Variants in ZBBX observed in about 807,000 individuals in gnomAD.
ZBBX encodes the protein zinc finger B-box domain-containing protein 1.
A neutral mutation model predicts 108.5 loss-of-function variants in ZBBX; 101 were observed. The ratio of observed to expected loss-of-function variants is 0.93; its 90% CI spans 0.79 to 1.10. The LOEUF is 1.10. ZBBX is among the 50% of genes least tolerant of loss of function. ZBBX has a pLI of 0.00. For synonymous variants in ZBBX, 356 were observed against 323.4 expected, an observed-to-expected ratio of 1.10 and a Z score of -1.08; for missense variants, 1,009 against 941.4, an observed-to-expected ratio of 1.07 and a Z score of -0.94.
chr3:167,260,117 C>T (rs1724215811), intron 20 of ZBBX, among the ~76,000 whole-genome samples: 1 of 152,090 alleles, frequency 6.6e-6, no homozygotes, highest in African/African-American at 2.4e-5. Flanking sequence ...ATACAAAATT[C>T]TTGTCTGGTA....
chr3:167,372,637 T>G lies in ZBBX; in HGVS notation c.68+197A>C, dbSNP rs1415396852. 2.0e-5 allele frequency among the ~76,000 whole-genome samples: 3 copies of G among 152,190 alleles called. No individual in the cohort carries two copies. The East Asian group carries it at 5.8e-4, about 29-fold the overall frequency. On this transcript the variant is annotated intron_variant, in intron 4 of 21. Transcript: ENST00000675490. ...AACCAAACCTTTATAACTTGTCACA[T>G]TGGTTCTTGTGGAATAAATATTTTT...
intron 20 of ZBBX, among the ~76,000 whole-genome samples, chr3:167,260,758 C>A (rs1296382028): frequency 1.3e-5 from 2 of 152,200 alleles, no homozygotes; most frequent in Non-Finnish European, 2.9e-5. Context: ...AATTTCCTTG[C>A]ATTAGGCTTC....
chr3:167,278,882 C>T (rs1275260236), intron 20 of ZBBX, among the ~76,000 whole-genome samples: 2 of 151,894 alleles, frequency 1.3e-5, no homozygotes, highest in African/African-American at 2.4e-5. Context: ...TCCAGCAGCA[C>T]ATCAAAAAGC....
In ZBBX at chr3:167,403,918, T is replaced by C. The variant is rs192646633; in HGVS notation, c.-446+3808A>G. Reference sequence around the variant, plus strand: ...AGGAAACAAAAGAAGAACAAAAAATTAAAAATATAAATAAGATGTTAAACT... The same window carrying C: ...AGGAAACAAAAGAAGAACAAAAAATCAAAAATATAAATAAGATGTTAAACT... On this transcript the variant is annotated intron_variant, in intron 1 of 21. Transcript: ENST00000455345. Among the ~76,000 whole-genome samples the C allele has an allele frequency of 3.3e-3, 496 of 151,602 alleles. 4 individuals carry two copies. The highest frequency in any genetic ancestry group is 6.1e-3 in the Non-Finnish European group (411 of 67,830).
At chr3:167,391,812 T>C (rs1748091088) in intron 1 of ZBBX, among the ~76,000 whole-genome samples, 1 of 151,882 alleles carries the variant, frequency 6.6e-6, no homozygotes, top group Non-Finnish European at 1.5e-5. Flanking sequence ...ATATGCTGTA[T>C]GTCTGTGTAA....
chr3:167,330,947 C>CTCTCTCTCTCTCTT, intron 10 of ZBBX, among the ~76,000 whole-genome samples: 2 of 127,410 alleles, frequency 1.6e-5, no homozygotes, highest in South Asian at 2.9e-4. Flanking sequence ...CTCTTTCTTT[C>CTCTCTCTCTCTCTT]TCTCTCTCTC....
At chr3:167,298,826 T>G (rs932129860) in intron 17 of ZBBX, among the ~76,000 whole-genome samples, 1 of 152,080 alleles carries the variant, frequency 6.6e-6, no homozygotes, top group South Asian at 2.1e-4. Flanking sequence ...TGTCTATATA[T>G]AAAATAATTT....
chr3:167,231,655 A>G, the ZBBX span, among the ~76,000 whole-genome samples: 1 of 151,932 alleles, frequency 6.6e-6, no homozygotes, highest in South Asian at 2.1e-4. Flanking sequence ...ATTCAAAGAA[A>G]TCTATTTTGC....
chr3:167,317,575 T>C lies in ZBBX; in HGVS notation c.1006A>G (p.Lys336Glu). The stretch of plus-strand genomic sequence containing the variant: ...TGTGGGAACGTATCTGGTAGCATTT[T>C]AAAAAGTTGCTCTTGTGGAGTTCTA... ...HRRTPQEQLF[K>E]MLPDTFPHPH... is the part of the protein sequence containing the mutation. Residue 336 changes from lysine to glutamate, a missense_variant, in exon 13 of 22, where the codon AAA (lysine) becomes GAA (glutamate). Lys to Glu is a moderately conservative substitution (Grantham distance 56). Coordinates refer to ENST00000675490, the MANE Select transcript of ZBBX (RefSeq NM_001199201.2). 6.2e-7 allele frequency: 1 copy of C among 1,610,156 alleles called. No individual in the cohort carries two copies. Among genetic ancestry groups the C allele is most frequent in the Non-Finnish European group, 8.5e-7 (1 of 1,177,912 alleles).
the ZBBX span, among the ~76,000 whole-genome samples, chr3:167,226,360 C>T: frequency 9.9e-5 from 15 of 151,692 alleles, no homozygotes; most frequent in Admixed American, 1.3e-4. Flanking sequence ...TTTTTCTAGA[C>T]TCTCGGAAAC....
At chr3:167,202,443 A>C in the ZBBX span, among the ~76,000 whole-genome samples, 1 of 152,118 alleles carries the variant, frequency 6.6e-6, no homozygotes, top group Non-Finnish European at 1.5e-5. Context: ...TAAACTAATC[A>C]ATATGATCAA....
rs1251429701 is a variant in ZBBX, at chr3:167,258,679, T to A, written c.2255-16036A>T. Among the ~76,000 whole-genome samples, 3 of 152,178 alleles carry A rather than the reference T, an allele frequency of 2.0e-5. No individual in the cohort carries two copies. In the South Asian group the frequency reaches 6.2e-4, roughly 31 times the overall value. On this transcript the variant is annotated intron_variant, in intron 20 of 21. Coordinates refer to ENST00000675490, the MANE Select transcript of ZBBX (RefSeq NM_001199201.2). ...CTGATTTTGCCGAGAGTTTTAATCA[T>A]AAAGGGATGCTGGATTTTGTTGAAT...
chr3:167,271,015 G>A (rs1726425574), intron 20 of ZBBX, among the ~76,000 whole-genome samples: 1 of 152,166 alleles, frequency 6.6e-6, no homozygotes, highest in African/African-American at 2.4e-5. Flanking sequence ...GACACAATGG[G>A]TATTCAGTAA....
chr3:167,203,973 A>G, the ZBBX span, among the ~76,000 whole-genome samples: 1 of 152,156 alleles, frequency 6.6e-6, no homozygotes, highest in Admixed American at 6.5e-5. Flanking sequence ...TCAACTGAAC[A>G]CATAATAAAT....
At chr3:167,307,028 C>T (rs1273177373) in intron 16 of ZBBX, among the ~76,000 whole-genome samples, 1 of 152,146 alleles carries the variant, frequency 6.6e-6, no homozygotes, top group Non-Finnish European at 1.5e-5. Flanking sequence ...TACCTCTCTC[C>T]ATAAGACACA....
At chr3:167,335,137 A>T (rs1450517051) in intron 9 of ZBBX, among the ~76,000 whole-genome samples, 1 of 151,564 alleles carries the variant, frequency 6.6e-6, no homozygotes, top group Non-Finnish European at 1.5e-5. Flanking sequence ...CCCTAACTAT[A>T]TTGATTTCAC....
intron 20 of ZBBX, chr3:167,252,039 T>C: frequency 1.2e-6 from 1 of 846,852 alleles, no homozygotes; most frequent in Non-Finnish European, 1.6e-6. Context: ...AACTGTTTCC[T>C]TAAACACCTC....
chr3:167,193,275 T>C, the ZBBX span, among the ~76,000 whole-genome samples: 1 of 152,140 alleles, frequency 6.6e-6, no homozygotes, highest in African/African-American at 2.4e-5. Context: ...ATGGGGGTGG[T>C]TCCAAAGGGG....
chr3:167,341,268 AATAG>A (rs1259342899), intron 9 of ZBBX, among the ~76,000 whole-genome samples: 2 of 151,906 alleles, frequency 1.3e-5, no homozygotes, highest in Non-Finnish European at 2.9e-5. Flanking sequence ...CTTATTATTT[AATAG>A]ATAGATTAAA....
Sources: gnomAD v4.1 joint callset for allele counts (sites outside exome capture counted in the v4.1 genomes callset) on GRCh38, gnomAD v4.1.1 for gene constraint, MANE v1.5 for transcripts, NCBI Gene and HGNC (gene_info 2026-07-23, HGNC 2026-07-21) for gene names.